SLC24A2: variants seen among roughly 807,000 people sequenced by gnomAD.
SLC24A2 encodes the protein sodium/potassium/calcium exchanger 2.
In SLC24A2, 36 loss-of-function variants were observed where a neutral mutation model predicts 62.0. The ratio of observed to expected loss-of-function variants is 0.58; its 90% CI spans 0.44 to 0.77. SLC24A2 has a LOEUF of 0.77. Ranked by LOEUF, SLC24A2 falls within the 30% of genes least tolerant of loss-of-function variation. SLC24A2 has a pLI of 0.00. For missense variants in SLC24A2, 846 were observed against 817.9 expected (o/e 1.03, Z -0.42); for synonymous variants, 358 against 294.0 (o/e 1.22, Z -2.23).
chr9:20,298,663 T>C, the SLC24A2 span, among the ~76,000 whole-genome samples: 2 of 152,274 alleles, frequency 1.3e-5, no homozygotes, highest in African/African-American at 2.4e-5. Context: ...ATAATAGTAA[T>C]AGCAGCAGCC....
chr9:19,650,402 A>G (rs1181487172), intron 2 of SLC24A2, among the ~76,000 whole-genome samples: 1 of 152,194 alleles, frequency 6.6e-6, no homozygotes, highest in African/African-American at 2.4e-5. Context: ...TAGGGATCAC[A>G]CGAAGACCAA....
At chr9:20,164,441 C>T in the SLC24A2 span, among the ~76,000 whole-genome samples, 1 of 152,108 alleles carries the variant, frequency 6.6e-6, no homozygotes, top group Admixed American at 6.6e-5. Context: ...GAGATACCAT[C>T]TCACACCAGT....
At chr9:20,294,984 T>TA in the SLC24A2 span, among the ~76,000 whole-genome samples, 1 of 151,494 alleles carries the variant, frequency 6.6e-6, no homozygotes, top group Non-Finnish European at 1.5e-5. Flanking sequence ...AATAAATAAA[T>TA]AATAAGATAA....
At chr9:19,572,109 T>C (rs985220113) in intron 7 of SLC24A2, among the ~76,000 whole-genome samples, 3 of 145,036 alleles carry the variant, frequency 2.1e-5, no homozygotes, top group Non-Finnish European at 4.5e-5. Flanking sequence ...CTACTAAAAA[T>C]GCAAAAAAAA....
intron 2 of SLC24A2, among the ~76,000 whole-genome samples, chr9:19,688,813 C>G (rs2383114): frequency 0.65 from 98,884 of 151,934 alleles, 34,428 homozygotes; most frequent in East Asian, 0.9. Flanking sequence ...CATGTCCCTG[C>G]ATGTCATGCT....
At chr9:19,525,391 CTTTTTTTTTTT>C (rs572919824) in intron 9 of SLC24A2, among the ~76,000 whole-genome samples, 28 of 76,378 alleles carry the variant, frequency 3.7e-4, no homozygotes, top group South Asian at 2.5e-3. Flanking sequence ...TATTTCTTTA[CTTTTTTTTTTT>C]TTTTTTTTTT....
chr9:20,201,864 G>A, the SLC24A2 span, among the ~76,000 whole-genome samples: 6 of 152,068 alleles, frequency 3.9e-5, no homozygotes, highest in African/African-American at 7.2e-5. Flanking sequence ...CCTCAAAAAC[G>A]TGGCAATTAG....
At chr9:19,850,978 T>TATATACATAC in the SLC24A2 span, among the ~76,000 whole-genome samples, 1 of 43,978 alleles carries the variant, frequency 2.3e-5, no homozygotes, top group African/African-American at 9.9e-5. Flanking sequence ...TATATATATA[T>TATATACATAC]ATATATGTAT....
chr9:19,747,227 T>TTC (rs1446248274), intron 2 of SLC24A2, among the ~76,000 whole-genome samples: 1 of 152,116 alleles, frequency 6.6e-6, no homozygotes, highest in Non-Finnish European at 1.5e-5. Flanking sequence ...TTCATTCCAC[T>TTC]TCTCTCTCTC....
At chr9:19,825,429 G>C in the SLC24A2 span, among the ~76,000 whole-genome samples, 4,822 of 152,234 alleles carry the variant, frequency 0.032, 112 homozygotes, top group South Asian at 0.085. Flanking sequence ...ATCTACTCTG[G>C]GGAAATAGAC....
chr9:20,020,532 G>A, the SLC24A2 span, among the ~76,000 whole-genome samples: 2 of 152,100 alleles, frequency 1.3e-5, no homozygotes, highest in African/African-American at 4.8e-5. Flanking sequence ...GAGAACACAT[G>A]GACACAGGGA....
chr9:20,127,595 T>G, the SLC24A2 span, among the ~76,000 whole-genome samples: 18 of 152,098 alleles, frequency 1.2e-4, no homozygotes, highest in African/African-American at 4.3e-4. Context: ...GTAAAACATT[T>G]AATGTGCAGG....
chr9:19,829,920 G>C, the SLC24A2 span, among the ~76,000 whole-genome samples: 3 of 151,068 alleles, frequency 2.0e-5, no homozygotes, highest in Non-Finnish European at 4.4e-5. Flanking sequence ...TAAAGTTTGA[G>C]ATTTTATTTT....
rs891363535 is a variant in SLC24A2 at position 19,511,484 on chromosome 9, G to C, written c.*4669C>G. On this transcript the variant is annotated 3_prime_UTR_variant, in exon 11 of 11. Transcript: ENST00000341998. ...ACTACATAGGGATATATTTCCACGT[G>C]ACACTTGTTTTCTTGGAATCCTAGG... is the stretch of plus-strand genomic sequence containing the variant. The C allele has an allele frequency of 6.6e-6, 1 of 152,130 alleles. No individual in the cohort carries two copies. Among genetic ancestry groups the C allele is most frequent in the South Asian group, 2.1e-4 (1 of 4,814 alleles). 9.4% of individuals were successfully genotyped at this position (152,130 alleles called of 1,614,324 possible).
At chr9:20,202,091 G>C in the SLC24A2 span, among the ~76,000 whole-genome samples, 2 of 148,310 alleles carry the variant, frequency 1.3e-5, no homozygotes, top group Non-Finnish European at 3.0e-5. Context: ...GTGTGTGTGT[G>C]TGTTCACACT....
chr9:20,046,432 G>C, the SLC24A2 span, among the ~76,000 whole-genome samples: 1 of 152,202 alleles, frequency 6.6e-6, no homozygotes. Context: ...CAATGCCAAG[G>C]GCTTTTTTAT....
chr9:19,792,015 A>G (rs543454095), upstream of SLC24A2, among the ~76,000 whole-genome samples: 1 of 152,180 alleles, frequency 6.6e-6, no homozygotes, highest in Non-Finnish European at 1.5e-5. Flanking sequence ...AAAAATCAGT[A>G]ATGAATTTTA....
At chr9:19,698,834 G>C (rs368184241) in intron 2 of SLC24A2, among the ~76,000 whole-genome samples, 58 of 152,266 alleles carry the variant, frequency 3.8e-4, no homozygotes, top group Middle Eastern at 3.4e-3. Context: ...TATGGGAATT[G>C]TACCACTGCT....
At chr9:19,861,881 A>G in the SLC24A2 span, among the ~76,000 whole-genome samples, 1 of 152,292 alleles carries the variant, frequency 6.6e-6, no homozygotes, top group Admixed American at 6.5e-5. Context: ...GGCTATTTAA[A>G]AATACAGAGT....
Sources: gnomAD v4.1 joint callset for allele counts (sites outside exome capture counted in the v4.1 genomes callset) on GRCh38, gnomAD v4.1.1 for gene constraint, MANE v1.5 for transcripts, NCBI Gene and HGNC (gene_info 2026-07-23, HGNC 2026-07-21) for gene names.